Variants in ARB2A observed in about 807,000 individuals in gnomAD.
ARB2A encodes the protein ARB2 cotranscriptional regulator A, also known as cotranscriptional regulator ARB2A.
chr5:93,972,957 CT>C, the ARB2A span, among the ~76,000 whole-genome samples: 1 of 149,598 alleles, frequency 6.7e-6, no homozygotes, highest in South Asian at 2.2e-4. Flanking sequence ...ATTTCTTTTT[CT>C]TTTCCTTTTT....
chr5:93,908,628 C>CA, the ARB2A span, among the ~76,000 whole-genome samples: 1 of 148,296 alleles, frequency 6.7e-6, no homozygotes, highest in East Asian at 1.9e-4. Context: ...AGATAATACT[C>CA]ACGTTAACTT....
the ARB2A span, among the ~76,000 whole-genome samples, chr5:93,948,394 A>G: frequency 6.6e-6 from 1 of 152,114 alleles, no homozygotes; most frequent in Admixed American, 6.5e-5. Flanking sequence ...AGTTCACTGT[A>G]GATTCTGGAT....
At chr5:93,624,805 C>A in the ARB2A span, among the ~76,000 whole-genome samples, 1 of 152,138 alleles carries the variant, frequency 6.6e-6, no homozygotes. Context: ...ACATGATTTT[C>A]AAATGTTCAG....
the ARB2A span, among the ~76,000 whole-genome samples, chr5:93,787,048 A>C: frequency 1.3e-5 from 2 of 152,084 alleles, no homozygotes; most frequent in Admixed American, 1.3e-4. Context: ...GCAGTATTTA[A>C]TTAGGATCCA....
At chr5:94,026,965 G>A in the ARB2A span, among the ~76,000 whole-genome samples, 57 of 152,126 alleles carry the variant, frequency 3.7e-4, no homozygotes, top group African/African-American at 4.3e-4. Flanking sequence ...AATCATCACC[G>A]AAGGGTTTGA....
the ARB2A span, among the ~76,000 whole-genome samples, chr5:93,765,260 T>C: frequency 6.6e-6 from 1 of 152,230 alleles, no homozygotes; most frequent in South Asian, 2.1e-4. Context: ...AAATTGTCCC[T>C]GTTTGCAGAC....
chr5:93,681,053 TTTAATGTG>T, the ARB2A span, among the ~76,000 whole-genome samples: 1 of 152,194 alleles, frequency 6.6e-6, no homozygotes, highest in Non-Finnish European at 1.5e-5. Flanking sequence ...GGCACAGGCC[TTTAATGTG>T]TTAATGTGTA....
chr5:93,671,448 T>C, the ARB2A span, among the ~76,000 whole-genome samples: 2 of 152,114 alleles, frequency 1.3e-5, no homozygotes, highest in Non-Finnish European at 2.9e-5. Context: ...GAAAATTTGT[T>C]CTAAATGTCA....
the ARB2A span, among the ~76,000 whole-genome samples, chr5:93,635,720 A>G: frequency 2.0e-5 from 3 of 152,182 alleles, no homozygotes; most frequent in Non-Finnish European, 4.4e-5. Flanking sequence ...GATTACAGGC[A>G]TGAGCTACTG....
chr5:93,686,149 A>T, the ARB2A span, among the ~76,000 whole-genome samples: 1 of 152,182 alleles, frequency 6.6e-6, no homozygotes, highest in Non-Finnish European at 1.5e-5. Flanking sequence ...TTCTGACTTC[A>T]TTCACATTTT....
chr5:93,813,710 A>AAG, the ARB2A span, among the ~76,000 whole-genome samples: 1 of 152,170 alleles, frequency 6.6e-6, no homozygotes, highest in Non-Finnish European at 1.5e-5. Flanking sequence ...ATCTGCTGGT[A>AAG]CTTTTATTTT....
chr5:93,644,171 T>A, the ARB2A span, among the ~76,000 whole-genome samples: 1 of 152,192 alleles, frequency 6.6e-6, no homozygotes, highest in Admixed American at 6.5e-5. Context: ...TTGAAGTAGC[T>A]GAGTCCAGAT....
chr5:93,717,506 A>G, the ARB2A span, among the ~76,000 whole-genome samples: 2 of 151,588 alleles, frequency 1.3e-5, no homozygotes, highest in East Asian at 1.9e-4. Flanking sequence ...AGGGCCATAT[A>G]CATAGAAAAG....
chr5:93,621,615 G>C, the ARB2A span, among the ~76,000 whole-genome samples: 1 of 152,206 alleles, frequency 6.6e-6, no homozygotes, highest in Admixed American at 6.5e-5. Context: ...GGTTTCCCCT[G>C]CGTGCGGGAT....
At chr5:93,906,929 G>T in the ARB2A span, among the ~76,000 whole-genome samples, 1 of 151,462 alleles carries the variant, frequency 6.6e-6, no homozygotes, top group Non-Finnish European at 1.5e-5. Flanking sequence ...CTCCCTTGCT[G>T]CCCTTGACAT....
chr5:93,675,234 A>G, the ARB2A span, among the ~76,000 whole-genome samples: 2 of 152,312 alleles, frequency 1.3e-5, no homozygotes, highest in African/African-American at 2.4e-5. Context: ...TGGCTAGGTT[A>G]CAGTTGTTCA....
At chr5:93,665,835 C>G in the ARB2A span, among the ~76,000 whole-genome samples, 1 of 152,184 alleles carries the variant, frequency 6.6e-6, no homozygotes, top group Non-Finnish European at 1.5e-5. Flanking sequence ...GTACTCTCCA[C>G]AGGCCAAGCA....
the ARB2A span, among the ~76,000 whole-genome samples, chr5:93,932,319 G>A: frequency 6.6e-6 from 1 of 152,134 alleles, no homozygotes; most frequent in Non-Finnish European, 1.5e-5. Context: ...GGGAAGCGAT[G>A]TGCACTAAAA....
the ARB2A span, among the ~76,000 whole-genome samples, chr5:94,039,883 C>T: frequency 1.3e-5 from 2 of 152,212 alleles, no homozygotes; most frequent in South Asian, 2.1e-4. Flanking sequence ...CCCCCAACCC[C>T]GATCACTGAT....
Sources: gnomAD v4.1 joint callset for allele counts (sites outside exome capture counted in the v4.1 genomes callset) on GRCh38, gnomAD v4.1.1 for gene constraint, MANE v1.5 for transcripts, NCBI Gene and HGNC (gene_info 2026-07-23, HGNC 2026-07-21) for gene names.